UBE2N: variants seen among roughly 807,000 people sequenced by gnomAD.
The protein encoded by UBE2N is ubiquitin-conjugating enzyme E2 N.
For synonymous variants in UBE2N, 70 were observed against 69.2 expected (o/e 1.01, Z -0.06); for missense variants, 60 against 192.1 (o/e 0.31, Z 4.07).
At chr12:93,417,510 G>A (rs773406783) in intron 1 of UBE2N, among the ~76,000 whole-genome samples, 2 of 152,196 alleles carry the variant, frequency 1.3e-5, no homozygotes, top group East Asian at 3.8e-4. Flanking sequence ...GCTAATTTGT[G>A]TGTGAGAAAA....
chr12:93,417,987 T>TA (rs1022297530), intron 1 of UBE2N, among the ~76,000 whole-genome samples: 8 of 152,200 alleles, frequency 5.3e-5, no homozygotes, highest in African/African-American at 1.9e-4. Flanking sequence ...TCTATATATA[T>TA]AAGTGGGCAT....
chr12:93,433,981 G>A (rs1185871851), intron 1 of UBE2N, among the ~76,000 whole-genome samples: 1 of 152,210 alleles, frequency 6.6e-6, no homozygotes, highest in Non-Finnish European at 1.5e-5. Flanking sequence ...ACCAGAGAAA[G>A]AAAAGGATAG....
At chr12:93,422,019 T>A (rs997553706) in intron 1 of UBE2N, among the ~76,000 whole-genome samples, 1 of 152,240 alleles carries the variant, frequency 6.6e-6, no homozygotes, top group Admixed American at 6.5e-5. Context: ...TACAGGGCTA[T>A]TATGTTCTTG....
In UBE2N at chr12:93,407,362, T is replaced by C. The variant is rs1877878009; in HGVS notation, c.*2677A>G. On this transcript the variant is annotated 3_prime_UTR_variant, in exon 4 of 4. Transcript: ENST00000318066. ...ATATGGTCCCCAAAGGAAAGCCCCA[T>C]GCCATTCACTCACCACCTAATCATC... The C allele has an allele frequency of 6.6e-6, 1 of 152,214 alleles. No homozygotes were observed. The highest frequency in any genetic ancestry group is 2.1e-4 in the South Asian group (1 of 4,834). 9.4% of individuals were successfully genotyped at this position (152,214 alleles called of 1,614,324 possible).
intron 1 of UBE2N, among the ~76,000 whole-genome samples, chr12:93,417,214 A>G (rs1335790813): frequency 6.6e-6 from 1 of 152,244 alleles, no homozygotes; most frequent in Non-Finnish European, 1.5e-5. Flanking sequence ...TATTTTTAAA[A>G]GGAATCAAAT....
chr12:93,441,928 C>T lies in UBE2N; in HGVS notation c.-44G>A. 2 of 1,553,784 alleles carry T rather than the reference C, an allele frequency of 1.3e-6. No homozygotes were observed. Among genetic ancestry groups the T allele is most frequent in the South Asian group, 1.2e-5 (1 of 84,544 alleles). On this transcript the variant is annotated 5_prime_UTR_variant, in exon 1 of 4. Coordinates refer to ENST00000318066, the MANE Select transcript of UBE2N (RefSeq NM_003348.4). ...CGGCCTCTGGTCTCGTCTCCGGCTC[C>T]TCTCGCCTCACGCACGAGTGGAAGT...
rs1878026022 is a variant in UBE2N at position 93,411,387 on chromosome 12, T to C, written c.31-88A>G. 71 of 1,508,266 alleles carry C rather than the reference T, an allele frequency of 4.7e-5. No homozygotes were observed. In the South Asian group the frequency reaches 9.0e-4, roughly 19 times the overall value. 93.4% of individuals were successfully genotyped at this position (1,508,266 alleles called of 1,614,324 possible). A position where few individuals can be genotyped will look rare whatever the true frequency, so the allele number is the denominator to read the frequency against. Reference sequence around the variant, plus strand: ...AATTAGAAAGTTCATCTCTTAGAACTACGCATAATAGAACAGCTCCAATCT... The same window carrying C: ...AATTAGAAAGTTCATCTCTTAGAACCACGCATAATAGAACAGCTCCAATCT... On this transcript the variant is annotated intron_variant, in intron 1 of 3. Coordinates refer to ENST00000318066, the MANE Select transcript of UBE2N (RefSeq NM_003348.4).
intron 3 of UBE2N, 31 bp from the exon 4 acceptor site, chr12:93,410,110 T>C (rs1565791130): frequency 6.2e-7 from 1 of 1,604,790 alleles, no homozygotes; most frequent in African/African-American, 1.3e-5. Context: ...ACGATTATTA[T>C]TTTACTTAGT....
At chr12:93,430,722 G>C (rs145928971) in intron 1 of UBE2N, among the ~76,000 whole-genome samples, 83 of 150,876 alleles carry the variant, frequency 5.5e-4, no homozygotes, top group African/African-American at 1.9e-3. Context: ...AAACCAGCCT[G>C]AGCAACATAG....
At chr12:93,414,961 G>C (rs1248011929) in intron 1 of UBE2N, among the ~76,000 whole-genome samples, 2 of 152,078 alleles carry the variant, frequency 1.3e-5, no homozygotes. Context: ...ACTGAATTCT[G>C]AATCTATTTG....
At chr12:93,426,067 A>C (rs1878570969) in intron 1 of UBE2N, among the ~76,000 whole-genome samples, 1 of 152,238 alleles carries the variant, frequency 6.6e-6, no homozygotes, top group Admixed American at 6.5e-5. Context: ...CAGTCTTAAG[A>C]GATCCAGCTG....
intron 1 of UBE2N, among the ~76,000 whole-genome samples, chr12:93,425,137 TAGATTAGTATATTAAGCAG>T (rs1307793602): frequency 6.6e-6 from 1 of 152,198 alleles, no homozygotes; most frequent in African/African-American, 2.4e-5. Flanking sequence ...ACCATAGAGC[TAGATTAGTATATTAAGCAG>T]ATAAAGAAGC....
chr12:93,438,613 G>T (rs1274936301), intron 1 of UBE2N, among the ~76,000 whole-genome samples: 1 of 152,134 alleles, frequency 6.6e-6, no homozygotes, highest in African/African-American at 2.4e-5. Context: ...AAGTGTGATG[G>T]AGAACCTCTA....
intron 1 of UBE2N, among the ~76,000 whole-genome samples, chr12:93,434,300 A>C (rs1399662788): frequency 6.6e-6 from 1 of 152,248 alleles, no homozygotes; most frequent in Non-Finnish European, 1.5e-5. Flanking sequence ...CAACAAAAAA[A>C]AACTCTGGTT....
chr12:93,430,981 C>A (rs1878750077), intron 1 of UBE2N, among the ~76,000 whole-genome samples: 1 of 150,774 alleles, frequency 6.6e-6, no homozygotes, highest in African/African-American at 2.4e-5. Flanking sequence ...GTAATCCCAG[C>A]ACTTTGGGAG....
intron 1 of UBE2N, chr12:93,429,353 C>G (rs750466771): frequency 1.5e-5 from 6 of 408,610 alleles, no homozygotes; most frequent in South Asian, 1.1e-4. Flanking sequence ...TATTTTTAGA[C>G]TTACTGAGAA....
At chr12:93,424,742 A>C (rs968141442) in intron 1 of UBE2N, among the ~76,000 whole-genome samples, 2 of 152,238 alleles carry the variant, frequency 1.3e-5, no homozygotes, top group Non-Finnish European at 2.9e-5. Flanking sequence ...GCAGTTGCAA[A>C]GATCAACTTT....
intron 1 of UBE2N, chr12:93,441,305 C>T (rs10459180): frequency 0.13 from 20,502 of 152,338 alleles, 1,682 homozygotes; most frequent in East Asian, 0.21. Flanking sequence ...GACGCGCGGG[C>T]CTCCCAGAGC....
intron 1 of UBE2N, among the ~76,000 whole-genome samples, chr12:93,438,955 C>G (rs1879016271): frequency 2.0e-5 from 3 of 152,178 alleles, no homozygotes; most frequent in Admixed American, 2.0e-4. Flanking sequence ...CTCTTACCAG[C>G]TTTACCTTAG....
Sources: allele counts gnomAD v4.1 joint callset (sites outside exome capture counted in the v4.1 genomes callset), GRCh38; gene constraint gnomAD v4.1.1; transcripts MANE v1.5; gene names NCBI Gene and HGNC (gene_info 2026-07-23, HGNC 2026-07-21).